The following BIRC5 variants were observed in gnomAD, a reference collection of about 807,000 sequenced individuals.
BIRC5 encodes baculoviral IAP repeat containing 5.
Under a neutral mutation model 15.8 loss-of-function variants are expected in BIRC5, and 8 were observed. The ratio of observed to expected loss-of-function variants is 0.51; its 90% CI spans 0.30 to 0.91. The LOEUF (loss-of-function observed/expected upper bound fraction) is 0.91. Ranked by LOEUF, BIRC5 falls within the 40% of genes least tolerant of loss-of-function variation. The pLI is 0.07. For missense variants in BIRC5, 163 were observed against 178.6 expected, an observed-to-expected ratio of 0.91 and a Z score of 0.50; for synonymous variants, 56 against 64.5, an observed-to-expected ratio of 0.87 and a Z score of 0.63.
intron 3 of BIRC5, among the ~76,000 whole-genome samples, chr17:78,217,508 T>C (rs2076487491): frequency 6.7e-6 from 1 of 149,888 alleles, no homozygotes; most frequent in South Asian, 2.1e-4. Context: ...AATTTATTTA[T>C]TTATTTGAGA....
Position 78,214,711 on chromosome 17 carries a change from C to T in BIRC5, c.143C>T (p.Thr48Ile). The T allele has an allele frequency of 1.2e-6, 2 of 1,610,780 alleles. No homozygotes were observed. Among genetic ancestry groups the T allele is most frequent in the Non-Finnish European group, 1.7e-6 (2 of 1,178,732 alleles). ...GAGGCTGGCTTCATCCACTGCCCCA[C>T]TGAGAACGAGCCAGACTTGGCCCAG... Reference protein sequence around the residue: ...MAEAGFIHCPTENEPDLAQCF... With the variant: ...MAEAGFIHCPIENEPDLAQCF... The change falls in exon 2 of 4, where the codon ACT becomes ATT. Residue 48 changes from threonine (T) to isoleucine (I), a missense_variant. Thr to Ile is a moderately conservative substitution (Grantham distance 89). Transcript: ENST00000350051.
At chr17:78,223,131 AC>A in intron 3 of BIRC5, 1 of 856,686 alleles carries the variant, frequency 1.2e-6, no homozygotes, top group Non-Finnish European at 1.7e-6. Flanking sequence ...CGGTTTCCTC[AC>A]CTGTATAGTA....
At chr17:78,221,535 G>T (rs1599032338) in intron 3 of BIRC5, among the ~76,000 whole-genome samples, 1 of 151,082 alleles carries the variant, frequency 6.6e-6, no homozygotes. Flanking sequence ...CACTCCATTC[G>T]CCTGCCTCAG....
intron 1 of BIRC5, 48 bp from the exon 2 acceptor site, chr17:78,214,632 G>A (rs1195428211): frequency 6.6e-7 from 1 of 1,516,178 alleles, no homozygotes; most frequent in African/African-American, 1.4e-5. Flanking sequence ...CTGGGCCTCG[G>A]GGTTCCGGGC....
rs887518635 is a variant in BIRC5, at chr17:78,223,521, C to T, written c.396C>T (p.Arg132=). The change falls in exon 4 of 4, where the codon CGC becomes CGT. Residue 132 remains arginine (R), a synonymous_variant. Transcript: ENST00000350051. The part of the protein sequence containing the change: ...KEFEETAEKV[R]RAIEQLAAMD ...TTGAGGAAACTGCGGAGAAAGTGCG[C>T]CGTGCCATCGAGCAGCTGGCTGCCA... 6.2e-7 allele frequency: 1 copy of T among 1,612,586 alleles called. No homozygotes were observed. Among genetic ancestry groups the T allele is most frequent in the African/African-American group, 1.3e-5 (1 of 74,978 alleles).
chr17:78,219,962 CAG>C (rs1319994024), intron 3 of BIRC5, among the ~76,000 whole-genome samples: 3 of 152,156 alleles, frequency 2.0e-5, no homozygotes, highest in East Asian at 1.9e-4. Flanking sequence ...CTGAGAAAGA[CAG>C]AGGGTTTTTG....
chr17:78,216,020 C>T (rs759987155), intron 2 of BIRC5: 5 of 1,022,030 alleles, frequency 4.9e-6, no homozygotes, highest in East Asian at 7.9e-5. Flanking sequence ...GAGGCCGAGG[C>T]GGGCGGATCA....
intron 2 of BIRC5, among the ~76,000 whole-genome samples, chr17:78,215,677 T>C (rs528555141): frequency 2.0e-5 from 3 of 152,344 alleles, no homozygotes; most frequent in African/African-American, 7.2e-5. Flanking sequence ...CTGTTTTTTT[T>C]CTTAGTATGT....
rs2076462695 is a variant in BIRC5, at chr17:78,214,434, C to G, written c.111+7C>G. 6.5e-7 allele frequency: 1 copy of G among 1,546,274 alleles called. No individual in the cohort carries two copies. The highest frequency in any genetic ancestry group is 1.4e-5 in the African/African-American group (1 of 72,666). On this transcript the variant is annotated splice_region_variant and intron_variant, in intron 1 of 3. Transcript: ENST00000350051. Reference sequence around the variant, plus strand: ...CGCCTGCACCCCGGAGCGGGTGAGACTGCCCGGCCTCCTGGGGTCCCCCAC... The same window carrying G: ...CGCCTGCACCCCGGAGCGGGTGAGAGTGCCCGGCCTCCTGGGGTCCCCCAC...
rs2076529060 is a variant in BIRC5, at chr17:78,223,531, G to A, written c.406G>A (p.Glu136Lys). 25 of 1,613,226 alleles carry A rather than the reference G, an allele frequency of 1.5e-5. No homozygotes were observed. Among genetic ancestry groups the A allele is most frequent in the Non-Finnish European group, 1.9e-5 (22 of 1,179,648 alleles). Reference protein sequence around the residue: ...ETAEKVRRAIEQLAAMD With the variant: ...ETAEKVRRAIKQLAAMD The stretch of plus-strand genomic sequence containing the variant: ...TGCGGAGAAAGTGCGCCGTGCCATC[G>A]AGCAGCTGGCTGCCATGGATTGAGG... The change falls in exon 4 of 4, where the codon GAG becomes AAG. Residue 136 changes from glutamate (E) to lysine (K), a missense_variant. Physicochemically the swap from Glu to Lys is moderately conservative, Grantham distance 56 (BLOSUM62 1). Coordinates refer to ENST00000350051, the MANE Select transcript of BIRC5 (RefSeq NM_001168.3).
intron 3 of BIRC5, among the ~76,000 whole-genome samples, chr17:78,217,049 T>G (rs1208371441): frequency 6.7e-6 from 1 of 148,342 alleles, no homozygotes; most frequent in African/African-American, 2.5e-5. Context: ...CCAGCTAATT[T>G]TTGTATTTTT....
Position 78,223,703 on chromosome 17 carries a change from T to TAA in BIRC5, c.*149_*150insAA, listed in dbSNP as rs17882139. 0.028 allele frequency: 40,144 copies of TAA among 1,443,442 alleles called. 669 individuals carry two copies. Among genetic ancestry groups the TAA allele is most frequent in the Non-Finnish European group, 0.031 (33,293 of 1,090,870 alleles). 89.4% of individuals were successfully genotyped at this position (1,443,442 alleles called of 1,614,324 possible). A position where few individuals can be genotyped will look rare whatever the true frequency, so the allele number is the denominator to read the frequency against. On this transcript the variant is annotated 3_prime_UTR_variant, in exon 4 of 4. Coordinates refer to ENST00000350051, the MANE Select transcript of BIRC5 (RefSeq NM_001168.3). ...AAATTAGATGTTTCAACTGTGCTCT[T>TAA]GTTTTGTCTTGAAAGTGGCACCAGA...
At chr17:78,219,240 G>A (rs781201979) in intron 3 of BIRC5, among the ~76,000 whole-genome samples, 13 of 152,116 alleles carry the variant, frequency 8.5e-5, no homozygotes, top group Non-Finnish European at 1.3e-4. Flanking sequence ...GCTGGAGTGT[G>A]GTGGTGCGAT....
rs2076542500 is a variant in BIRC5, at chr17:78,225,278, C to T, written c.*1724C>T. ...CTTAAAGGCCATCCTTAAAACCAGA[C>T]CCTCATGGCTACCAGCACCTGAAAG... is the stretch of plus-strand genomic sequence containing the variant. On this transcript the variant is annotated 3_prime_UTR_variant, in exon 4 of 4. Transcript: ENST00000350051. 6.6e-6 allele frequency: 1 copy of T among 152,246 alleles called. No individual in the cohort carries two copies. Among genetic ancestry groups the T allele is most frequent in the Non-Finnish European group, 1.5e-5 (1 of 68,064 alleles). 9.4% of individuals were successfully genotyped at this position (152,246 alleles called of 1,614,324 possible).
In BIRC5 at chr17:78,225,342, C is replaced by A. The variant is rs1437277400; in HGVS notation, c.*1788C>A. 2 of 152,248 alleles carry A rather than the reference C, an allele frequency of 1.3e-5. No individual in the cohort carries two copies. Among genetic ancestry groups the A allele is most frequent in the Non-Finnish European group, 2.9e-5 (2 of 68,044 alleles). 9.4% of individuals were successfully genotyped at this position (152,248 alleles called of 1,614,324 possible). A position where few individuals can be genotyped will look rare whatever the true frequency, so the allele number is the denominator to read the frequency against. On this transcript the variant is annotated 3_prime_UTR_variant, in exon 4 of 4. Coordinates refer to ENST00000350051, the MANE Select transcript of BIRC5 (RefSeq NM_001168.3). Reference sequence around the variant, plus strand: ...TGTTAATAAAGCCGTAGGCCCTTGTCTAAGTGCAACCGCCTAGACTTTCTT... The same window carrying A: ...TGTTAATAAAGCCGTAGGCCCTTGTATAAGTGCAACCGCCTAGACTTTCTT...
chr17:78,214,260 G>T lies in BIRC5; in HGVS notation c.-57G>T, dbSNP rs773816169. On this transcript the variant is annotated 5_prime_UTR_variant, in exon 1 of 4. Coordinates refer to ENST00000350051, the MANE Select transcript of BIRC5 (RefSeq NM_001168.3). ...GCGCTCCCGACATGCCCCGCGGCGC[G>T]CCATTAACCGCCAGATTTGAATCGC... 3.4e-6 allele frequency: 5 copies of T among 1,486,076 alleles called. No homozygotes were observed. In the Admixed American group the frequency reaches 9.5e-5, roughly 28 times the overall value. 92.1% of individuals were successfully genotyped at this position (1,486,076 alleles called of 1,614,324 possible).
intron 3 of BIRC5, among the ~76,000 whole-genome samples, chr17:78,218,705 C>G (rs1039234085): frequency 6.6e-6 from 1 of 151,654 alleles, no homozygotes; most frequent in Non-Finnish European, 1.5e-5. Context: ...CGGGTTCACG[C>G]CATTCTTCTG....
chr17:78,216,643 C>T (rs183808064), intron 2 of BIRC5, 21 bp from the exon 3 acceptor site: 1,003 of 1,609,722 alleles, frequency 6.2e-4, no homozygotes, highest in Admixed American at 9.7e-4. Context: ...TGCCTTTCCG[C>T]TGTTGTTTTG....
At chr17:78,214,510 T>C in intron 1 of BIRC5, 83 bp downstream of exon 1, 1 of 1,360,558 alleles carries the variant, frequency 7.3e-7, no homozygotes, top group East Asian at 2.5e-5. Flanking sequence ...GCCTCGGGGG[T>C]ACAAGCCGCC....
Sources: gnomAD v4.1 joint callset for allele counts (sites outside exome capture counted in the v4.1 genomes callset) on GRCh38, gnomAD v4.1.1 for gene constraint, MANE v1.5 for transcripts, NCBI Gene and HGNC (gene_info 2026-07-23, HGNC 2026-07-21) for gene names.